The following PRKCA variants were observed in gnomAD, a reference collection of about 807,000 sequenced individuals.
The protein encoded by PRKCA is protein kinase C alpha type.
In PRKCA, 27 loss-of-function variants were observed where a neutral mutation model predicts 87.0. The ratio of observed to expected loss-of-function variants is 0.31; its 90% CI spans 0.23 to 0.43. The LOEUF (loss-of-function observed/expected upper bound fraction) is 0.43, where lower values mean the gene tolerates loss of function less well. PRKCA is among the 20% of genes least tolerant of loss of function. PRKCA has a pLI of 1.00. For synonymous variants in PRKCA, 329 were observed against 311.1 expected, an observed-to-expected ratio of 1.06 and a Z score of -0.61; for missense variants, 518 against 852.3, an observed-to-expected ratio of 0.61 and a Z score of 4.88.
At chr17:66,707,133 A>C (rs773460280) in intron 8 of PRKCA, among the ~76,000 whole-genome samples, 3 of 152,012 alleles carry the variant, frequency 2.0e-5, no homozygotes, top group Non-Finnish European at 2.9e-5. Flanking sequence ...TCATTAATGC[A>C]TCTCAGCCCA....
chr17:66,704,826 T>G (rs1240831914), intron 8 of PRKCA, among the ~76,000 whole-genome samples: 2 of 152,222 alleles, frequency 1.3e-5, no homozygotes, highest in Non-Finnish European at 2.9e-5. Flanking sequence ...TGAGACTCTG[T>G]TGCTAGGTTA....
chr17:66,494,997 G>A (rs1916406920), intron 2 of PRKCA, among the ~76,000 whole-genome samples: 1 of 151,486 alleles, frequency 6.6e-6, no homozygotes, highest in Non-Finnish European at 1.5e-5. Context: ...AGCTACTTGG[G>A]AGTCTGAGGC....
chr17:66,721,443 C>T (rs1302505953), intron 8 of PRKCA, among the ~76,000 whole-genome samples: 8 of 151,772 alleles, frequency 5.3e-5, no homozygotes, highest in Non-Finnish European at 1.5e-5. Flanking sequence ...AGAGCAACCC[C>T]CAAGAGCTGC....
chr17:66,432,235 G>A (rs933576990), intron 2 of PRKCA, among the ~76,000 whole-genome samples: 2 of 152,156 alleles, frequency 1.3e-5, no homozygotes, highest in Admixed American at 6.5e-5. Context: ...GTGGGAGTGA[G>A]AGGTCATTAG....
At chr17:66,771,001 T>A (rs961660647) in intron 13 of PRKCA, among the ~76,000 whole-genome samples, 1 of 141,784 alleles carries the variant, frequency 7.1e-6, no homozygotes, top group Non-Finnish European at 1.5e-5. Flanking sequence ...AACCTGGCAA[T>A]GTGTCTTTTT....
chr17:66,309,358 T>C (rs1904980316), intron 2 of PRKCA, among the ~76,000 whole-genome samples: 1 of 152,232 alleles, frequency 6.6e-6, no homozygotes, highest in East Asian at 1.9e-4. Flanking sequence ...ATTTCTACTT[T>C]CATTTATGTT....
intron 2 of PRKCA, among the ~76,000 whole-genome samples, chr17:66,424,568 A>AAACACACAC (rs1555602396): frequency 9.2e-5 from 13 of 142,058 alleles, no homozygotes; most frequent in Admixed American, 2.8e-4. Context: ...CCCTGTCTCA[A>AAACACACAC]ACACACACAC....
At chr17:66,306,486 G>A (rs1904823848) in intron 2 of PRKCA, 1 of 209,060 alleles carries the variant, frequency 4.8e-6, no homozygotes, top group Non-Finnish European at 9.4e-6. Context: ...ATTCTTCATC[G>A]CTTTTACTTA....
intron 2 of PRKCA, among the ~76,000 whole-genome samples, chr17:66,440,903 C>T (rs1913702953): frequency 6.6e-6 from 1 of 152,010 alleles, no homozygotes. Flanking sequence ...TGGCTCATGC[C>T]TGTAATCCCA....
chr17:66,504,942 G>T (rs58769090), intron 3 of PRKCA, among the ~76,000 whole-genome samples: 3,203 of 152,142 alleles, frequency 0.021, 103 homozygotes, highest in African/African-American at 0.071. Flanking sequence ...GTCCTGTCGG[G>T]ACCCCCCTCC....
At chr17:66,662,081 C>T (rs1042060624) in intron 5 of PRKCA, among the ~76,000 whole-genome samples, 1 of 152,218 alleles carries the variant, frequency 6.6e-6, no homozygotes, top group Non-Finnish European at 1.5e-5. Flanking sequence ...GCCAGGCAAC[C>T]TGGCTTTCAT....
intron 2 of PRKCA, among the ~76,000 whole-genome samples, chr17:66,309,812 A>G (rs1355947606): frequency 1.3e-5 from 2 of 152,052 alleles, no homozygotes; most frequent in Non-Finnish European, 2.9e-5. Flanking sequence ...CCCCCGTCAG[A>G]GAAAGGAGAA....
intron 2 of PRKCA, among the ~76,000 whole-genome samples, chr17:66,480,134 T>C (rs779147421): frequency 9.9e-5 from 15 of 152,188 alleles, no homozygotes; most frequent in Admixed American, 1.3e-4. Flanking sequence ...GATTTTTCTT[T>C]AGTTTTTAAA....
rs1972724770 is a variant in PRKCA at position 66,689,616 on chromosome 17, T to C, written c.918+569T>C. Reference sequence around the variant, plus strand: ...CTCTTGGTATTTGTGTTTGCCTCTGTCCCGGATTCACTGGTCTTTTTACTT... The same window carrying C: ...CTCTTGGTATTTGTGTTTGCCTCTGCCCCGGATTCACTGGTCTTTTTACTT... On this transcript the variant is annotated intron_variant, in intron 8 of 16. Transcript: ENST00000413366. This position sits in a 1 kb window ranked among gnomAD's most constrained non-coding sequence, Gnocchi z 4.1. Among the ~76,000 whole-genome samples, 1 of 152,230 alleles carries C rather than the reference T, an allele frequency of 6.6e-6. No homozygotes were observed. The highest frequency in any genetic ancestry group is 2.4e-5 in the African/African-American group (1 of 41,454).
chr17:66,692,901 G>A (rs1225079487), intron 8 of PRKCA, among the ~76,000 whole-genome samples: 1 of 152,136 alleles, frequency 6.6e-6, no homozygotes, highest in Non-Finnish European at 1.5e-5. Context: ...TTGGGAACAG[G>A]CATCACTCAG....
At chr17:66,493,239 G>C (rs375031854) in intron 2 of PRKCA, among the ~76,000 whole-genome samples, 1 of 151,022 alleles carries the variant, frequency 6.6e-6, no homozygotes, top group African/African-American at 2.5e-5. Context: ...CTAATATACT[G>C]TATCTTCATC....
At chr17:66,497,951 T>G (rs1039317662) in intron 3 of PRKCA, among the ~76,000 whole-genome samples, 1 of 152,172 alleles carries the variant, frequency 6.6e-6, no homozygotes, top group African/African-American at 2.4e-5. Context: ...TTGTGGGCTC[T>G]GAGCCCACAT....
At chr17:66,324,523 G>T (rs990200846) in intron 2 of PRKCA, among the ~76,000 whole-genome samples, 1 of 151,892 alleles carries the variant, frequency 6.6e-6, no homozygotes, top group Non-Finnish European at 1.5e-5. Context: ...TGAGGCAAGA[G>T]AATTGCTTGA....
chr17:66,396,749 C>T (rs1236111134), intron 2 of PRKCA, among the ~76,000 whole-genome samples: 1 of 151,540 alleles, frequency 6.6e-6, no homozygotes, highest in Non-Finnish European at 1.5e-5. Flanking sequence ...CTGCCTCAGC[C>T]TCCAAAGTAG....
Sources: gnomAD v4.1 joint callset for allele counts (sites outside exome capture counted in the v4.1 genomes callset) on GRCh38, gnomAD v4.1.1 for gene constraint, Gnocchi (gnomAD v3.1) non-coding constraint, MANE v1.5 for transcripts, NCBI Gene and HGNC (gene_info 2026-07-23, HGNC 2026-07-21) for gene names.